Variants in GAB1 observed in about 807,000 individuals in gnomAD.
GAB1 encodes the protein GRB2-associated-binding protein 1.
Under a neutral mutation model 66.5 loss-of-function variants are expected in GAB1, and 19 were observed. The ratio of observed to expected loss-of-function variants is 0.29; its 90% CI spans 0.20 to 0.42. The LOEUF is 0.42. Among genes scored for constraint, GAB1 ranks in the 10% least tolerant of loss-of-function variants. The pLI is 1.00. For synonymous variants in GAB1, 294 were observed against 301.4 expected (o/e 0.98, Z 0.25); for missense variants, 732 against 858.5 (o/e 0.85, Z 1.84).
At chr4:143,370,585 C>G (rs1397972404) in intron 1 of GAB1, among the ~76,000 whole-genome samples, 1 of 152,032 alleles carries the variant, frequency 6.6e-6, no homozygotes, top group East Asian at 1.9e-4. Flanking sequence ...TTCTAGGGTA[C>G]ATGTGCACAA....
At chr4:143,434,934 T>C (rs1280263165) in intron 3 of GAB1, among the ~76,000 whole-genome samples, 1 of 152,222 alleles carries the variant, frequency 6.6e-6, no homozygotes, top group Non-Finnish European at 1.5e-5. Context: ...ATCTCTGCCA[T>C]TAGTAGCTAT....
At chr4:143,383,696 TC>T (rs1730756195) in intron 1 of GAB1, among the ~76,000 whole-genome samples, 1 of 152,168 alleles carries the variant, frequency 6.6e-6, no homozygotes, top group African/African-American at 2.4e-5. Context: ...ATTTTCCACA[TC>T]CCCAAATATT....
intron 1 of GAB1, among the ~76,000 whole-genome samples, chr4:143,410,138 ATCT>A (rs1016385169): frequency 6.6e-6 from 1 of 151,554 alleles, no homozygotes; most frequent in Non-Finnish European, 1.5e-5. Context: ...CTCTTCTCTG[ATCT>A]TCTCTCTTGC....
At chr4:143,418,892 T>C (rs1449326972) in intron 2 of GAB1, among the ~76,000 whole-genome samples, 1 of 152,182 alleles carries the variant, frequency 6.6e-6, no homozygotes, top group Non-Finnish European at 1.5e-5. Flanking sequence ...TCTTGTCTAT[T>C]TGGCCACCTT....
chr4:143,373,870 T>TAAATAAATAA (rs1261588757), intron 1 of GAB1, among the ~76,000 whole-genome samples: 11 of 126,848 alleles, frequency 8.7e-5, no homozygotes, highest in South Asian at 2.7e-4. Context: ...AATAAATAAA[T>TAAATAAATAA]ATATATATAT....
At chr4:143,348,433 G>T (rs1729057486) in intron 1 of GAB1, among the ~76,000 whole-genome samples, 1 of 152,204 alleles carries the variant, frequency 6.6e-6, no homozygotes, top group South Asian at 2.1e-4. Context: ...CAGCCAGAAG[G>T]TTTTCTTTGA....
intron 6 of GAB1, among the ~76,000 whole-genome samples, chr4:143,450,200 C>G (rs1734842082): frequency 6.6e-6 from 1 of 152,072 alleles, no homozygotes; most frequent in African/African-American, 2.4e-5. Flanking sequence ...TATTACATTT[C>G]TCTTTATACC....
In GAB1 at chr4:143,433,695, G is replaced by C. The variant is rs1453351599; in HGVS notation, c.572G>C (p.Ser191Thr). Residue 191 changes from serine (S) to threonine (T), a missense_variant, in exon 3 of 10, where the codon AGC becomes ACC. Physicochemically the swap from Ser to Thr is moderately conservative, Grantham distance 58. Around this residue, in one of 4 missense-constraint regions of GAB1, gnomAD observed 427 missense variants for 420.6 expected, o/e 1.02. Transcript: ENST00000262994. ...QDYLLLINCQSKKPEPTRTHA... is the reference protein window; with the variant it reads ...QDYLLLINCQTKKPEPTRTHA... Reference sequence around the variant, plus strand: ...TACCTGTTGCTCATCAACTGTCAAAGCAAGAAGCCCGAACCCACCAGGTAA... The same window carrying C: ...TACCTGTTGCTCATCAACTGTCAAACCAAGAAGCCCGAACCCACCAGGTAA... 1 of 1,613,898 alleles carries C rather than the reference G, an allele frequency of 6.2e-7. No homozygotes were observed. The highest frequency in any genetic ancestry group is 1.7e-5 in the Admixed American group (1 of 59,950).
chr4:143,399,896 C>T lies in GAB1; in HGVS notation c.73-15581C>T, dbSNP rs556690273. ...GATGATCCCTATAGGGTTTATCTTA[C>T]GTGGAGCATTTGTTTACCCATCCAC... On this transcript the variant is annotated intron_variant, in intron 1 of 9. Coordinates refer to ENST00000262994, the MANE Select transcript of GAB1 (RefSeq NM_002039.4). Among the ~76,000 whole-genome samples, 5 of 150,124 alleles carry T rather than the reference C, an allele frequency of 3.3e-5. No homozygotes were observed. The South Asian group carries it at 6.3e-4, about 19-fold the overall frequency.
chr4:143,447,333 A>G (rs545981719), intron 6 of GAB1, among the ~76,000 whole-genome samples: 2 of 152,318 alleles, frequency 1.3e-5, no homozygotes, highest in East Asian at 3.9e-4. Context: ...TCTGTGAAGA[A>G]AGTCATTGGT....
intron 1 of GAB1, among the ~76,000 whole-genome samples, chr4:143,360,527 T>C (rs1309838256): frequency 1.3e-5 from 2 of 152,166 alleles, no homozygotes; most frequent in Non-Finnish European, 2.9e-5. Context: ...GGAATCCTAC[T>C]TGGACACTAC....
At chr4:143,354,347 G>A (rs574652617) in intron 1 of GAB1, among the ~76,000 whole-genome samples, 5 of 151,450 alleles carry the variant, frequency 3.3e-5, no homozygotes, top group Admixed American at 2.6e-4. Context: ...GTTTAACATA[G>A]TGATGGGTGT....
chr4:143,429,304 A>G (rs891094612), intron 2 of GAB1, among the ~76,000 whole-genome samples: 5 of 152,096 alleles, frequency 3.3e-5, no homozygotes, highest in Admixed American at 3.3e-4. Context: ...GGTTTCAACC[A>G]TGTTGGCCAG....
intron 1 of GAB1, among the ~76,000 whole-genome samples, chr4:143,378,189 A>G (rs1456070745): frequency 6.6e-6 from 1 of 152,234 alleles, no homozygotes; most frequent in Non-Finnish European, 1.5e-5. Context: ...GTTTCTCTGA[A>G]AAGGTTGCTT....
chr4:143,449,396 A>G (rs1319002691), intron 6 of GAB1, among the ~76,000 whole-genome samples: 1 of 151,888 alleles, frequency 6.6e-6, no homozygotes, highest in Non-Finnish European at 1.5e-5. Context: ...GGAGTGTTAA[A>G]GTCTCCCATT....
intron 1 of GAB1, among the ~76,000 whole-genome samples, chr4:143,374,648 G>A (rs1730335763): frequency 6.6e-6 from 1 of 152,072 alleles, no homozygotes; most frequent in South Asian, 2.1e-4. Context: ...GGTTCACATG[G>A]GCATCATTGT....
intron 1 of GAB1, among the ~76,000 whole-genome samples, chr4:143,355,823 T>G (rs1729423078): frequency 6.6e-6 from 1 of 152,120 alleles, no homozygotes; most frequent in South Asian, 2.1e-4. Context: ...TGGGTAAGAG[T>G]GTAATCTCAT....
At chr4:143,436,292 G>A (rs1437457807) in intron 3 of GAB1, among the ~76,000 whole-genome samples, 1 of 152,178 alleles carries the variant, frequency 6.6e-6, no homozygotes, top group Non-Finnish European at 1.5e-5. Context: ...AGAGCCTCTT[G>A]AAGAATAGGA....
intron 2 of GAB1, chr4:143,424,962 G>T (rs141668706): frequency 5.1e-6 from 3 of 586,472 alleles, no homozygotes; most frequent in East Asian, 5.7e-5. Context: ...TTTAAAAAAA[G>T]AAAAAAAAAG....
Sources: gnomAD v4.1 joint callset for allele counts (sites outside exome capture counted in the v4.1 genomes callset) on GRCh38, gnomAD v4.1.1 for gene constraint, gnomAD v4.1.1 regional missense constraint, MANE v1.5 for transcripts, NCBI Gene and HGNC (gene_info 2026-07-23, HGNC 2026-07-21) for gene names.